The following CYP4F2 variants were observed in gnomAD, a reference collection of about 807,000 sequenced individuals.
CYP4F2 encodes cytochrome P450 4F2.
A neutral mutation model predicts 58.9 loss-of-function variants in CYP4F2; 58 were observed. The observed-to-expected ratio is 0.98, with a 90% CI of 0.80 to 1.23. CYP4F2 has a LOEUF of 1.23. Ranked by LOEUF, CYP4F2 falls within the 50% of genes most tolerant of loss-of-function variation. The probability of loss-of-function intolerance (pLI) is 0.00; values close to 1 mark genes in which losing one functional copy is unlikely to be tolerated. For synonymous variants in CYP4F2, 287 were observed against 261.1 expected (o/e 1.10, Z -0.95); for missense variants, 616 against 685.6 (o/e 0.90, Z 1.13).
At chr19:15,879,037 G>C in intron 12 of CYP4F2, 101 bp from the exon 13 acceptor site, 2 of 1,524,152 alleles carry the variant, frequency 1.3e-6, no homozygotes, top group Non-Finnish European at 1.8e-6. Flanking sequence ...ACCTAGAGCA[G>C]TTTGAGGAAT....
chr19:15,897,315 A>G (rs2089453373), intron 2 of CYP4F2, 99 bp downstream of exon 2: 4 of 1,104,354 alleles, frequency 3.6e-6, no homozygotes, highest in Non-Finnish European at 5.3e-6. Context: ...CTGCCACCCC[A>G]GATCCCAGCC....
In CYP4F2 at chr19:15,889,587, C is replaced by G. The variant is rs1238084986; in HGVS notation, c.754G>C (p.Asp252His). The G allele has an allele frequency of 4.3e-6, 7 of 1,614,056 alleles. No individual in the cohort carries two copies. In the Admixed American group the frequency reaches 1.0e-4, roughly 23 times the overall value. The part of the protein sequence containing the change: ...HIDFLYYLTP[D>H]GQRFRRACRL... The stretch of plus-strand genomic sequence containing the variant: ...CAGGCCCTGCGGAAACGCTGCCCAT[C>G]AGGGGTGAGATAATACAGGAAGTCA... The change falls in exon 7 of 13, where the codon GAT becomes CAT. Residue 252 changes from aspartate to histidine, a missense_variant. Coordinates refer to ENST00000221700, the MANE Select transcript of CYP4F2 (RefSeq NM_001082.5).
chr19:15,887,598 A>G (rs923524463), intron 7 of CYP4F2, among the ~76,000 whole-genome samples: 14 of 152,262 alleles, frequency 9.2e-5, no homozygotes, highest in Middle Eastern at 3.4e-3. Flanking sequence ...AGACACAGAT[A>G]TAGACACAGA....
At chr19:15,888,233 G>A (rs1429760360) in intron 7 of CYP4F2, among the ~76,000 whole-genome samples, 1 of 151,116 alleles carries the variant, frequency 6.6e-6, no homozygotes, top group African/African-American at 2.4e-5. Context: ...TAGAAACACA[G>A]GCACACAAAT....
At chr19:15,888,027 T>TAGACAC (rs1177550814) in intron 7 of CYP4F2, among the ~76,000 whole-genome samples, 28 of 15,626 alleles carry the variant, frequency 1.8e-3, no homozygotes, top group Non-Finnish European at 3.4e-3. Context: ...GACACAGATA[T>TAGACAC]AGATATAGAC....
rs762409901 is a variant in CYP4F2 at position 15,889,583 on chromosome 19, C to A, written c.758G>T (p.Gly253Val). 6.2e-7 allele frequency: 1 copy of A among 1,614,122 alleles called. No individual in the cohort carries two copies. The highest frequency in any genetic ancestry group is 8.5e-7 in the Non-Finnish European group (1 of 1,180,022). The change falls in exon 7 of 13, where the codon GGG becomes GTG. Residue 253 changes from glycine to valine, a missense_variant. Transcript: ENST00000221700. ...GCGGCAGGCCCTGCGGAAACGCTGC[C>A]CATCAGGGGTGAGATAATACAGGAA... ...IDFLYYLTPD[G>V]QRFRRACRLV...
At chr19:15,889,716 G>C (rs773048644) in intron 6 of CYP4F2, 23 bp from the exon 7 acceptor site, 13 of 1,610,154 alleles carry the variant, frequency 8.1e-6, no homozygotes, top group Non-Finnish European at 1.1e-5. Flanking sequence ...GGCAGAAAGG[G>C]AGGCAACAAT....
At position 15,879,836 on chromosome 19, in the gene CYP4F2, G is replaced by C; in HGVS notation, c.1177C>G (p.Pro393Ala). 1 of 1,614,176 alleles carries C rather than the reference G, an allele frequency of 6.2e-7. No homozygotes were observed. ...MCMKESLRLH[P>A]PVPVISRHVT... is the part of the protein sequence containing the mutation. ...TGGCGGGAGATGACCGGGACTGGGG[G>C]ATGCAGCCGCAGGCTCTCCTTCATG... Residue 393 changes from proline to alanine, a missense_variant, in exon 10 of 13, where the codon CCC becomes GCC. Coordinates refer to ENST00000221700, the MANE Select transcript of CYP4F2 (RefSeq NM_001082.5).
chr19:15,886,901 C>G (rs1395940831), intron 7 of CYP4F2, among the ~76,000 whole-genome samples: 2 of 152,192 alleles, frequency 1.3e-5, no homozygotes, highest in Non-Finnish European at 2.9e-5. Flanking sequence ...TGTAGGGCCC[C>G]TCTCTTAGGA....
intron 3 of CYP4F2, among the ~76,000 whole-genome samples, chr19:15,892,885 C>T (rs4646499): frequency 0.18 from 27,508 of 152,114 alleles, 2,559 homozygotes; most frequent in Middle Eastern, 0.31. Context: ...CTGAGCACAG[C>T]TCAGCATTCT....
chr19:15,895,919 C>A (rs912197571), intron 2 of CYP4F2, among the ~76,000 whole-genome samples: 3 of 152,108 alleles, frequency 2.0e-5, no homozygotes, highest in Non-Finnish European at 2.9e-5. Flanking sequence ...TCTAATCTAT[C>A]CATCATATAT....
At chr19:15,886,677 G>A (rs1568471352) in intron 7 of CYP4F2, among the ~76,000 whole-genome samples, 1 of 152,310 alleles carries the variant, frequency 6.6e-6, no homozygotes, top group East Asian at 1.9e-4. Context: ...ACATTCTAGA[G>A]TGATAAATCT....
At chr19:15,886,661 T>C (rs1011835059) in intron 7 of CYP4F2, among the ~76,000 whole-genome samples, 2 of 152,306 alleles carry the variant, frequency 1.3e-5, no homozygotes, top group South Asian at 2.1e-4. Context: ...CTTCAAAGAT[T>C]TGCCCACATT....
chr19:15,886,086 G>A (rs2089377380), intron 8 of CYP4F2, 33 bp from the exon 9 acceptor site: 19 of 1,609,854 alleles, frequency 1.2e-5, no homozygotes, highest in Non-Finnish European at 1.6e-5. Flanking sequence ...TGGGTCTCTG[G>A]GCTGCTTCAG....
At chr19:15,883,245 T>C (rs1469928395) in intron 9 of CYP4F2, among the ~76,000 whole-genome samples, 2 of 152,062 alleles carry the variant, frequency 1.3e-5, no homozygotes, top group Admixed American at 1.3e-4. Context: ...CCAGAATATA[T>C]TATATAAGGA....
At chr19:15,885,049 C>T (rs1345243894) in intron 9 of CYP4F2, among the ~76,000 whole-genome samples, 4 of 151,982 alleles carry the variant, frequency 2.6e-5, no homozygotes, top group Non-Finnish European at 5.9e-5. Flanking sequence ...GTCTCTCCCT[C>T]TCTCTCCCCT....
In CYP4F2 at chr19:15,878,575, T is replaced by C. The variant is rs2089319968; in HGVS notation, c.*196A>G. On this transcript the variant is annotated 3_prime_UTR_variant, in exon 13 of 13. Transcript: ENST00000221700. Reference sequence around the variant, plus strand: ...TATAGCTTGGGGTTGTTTTCATCGTTTGGCTACTGTGAATAGGGCCGCCAT... The same window carrying C: ...TATAGCTTGGGGTTGTTTTCATCGTCTGGCTACTGTGAATAGGGCCGCCAT... 1 of 879,870 alleles carries C rather than the reference T, an allele frequency of 1.1e-6. No homozygotes were observed. Among genetic ancestry groups the C allele is most frequent in the African/African-American group, 1.7e-5 (1 of 60,386 alleles). The allele number at this position is 879,870 out of a possible 1,614,324, so 54.5% of individuals were successfully genotyped here.
In CYP4F2 at chr19:15,889,643, G is replaced by A; in HGVS notation, c.698C>T (p.Ser233Leu). ...CAGGAGGATCTCATGGTGTCTTTTT[G>A]ATACAAGGGCACTGAGCTCCAAGAT... ...AAILELSALVSKRHHEILLHI... is the reference protein window; with the variant it reads ...AAILELSALVLKRHHEILLHI... The change falls in exon 7 of 13, where the codon TCA becomes TTA. Residue 233 changes from serine (S) to leucine (L), a missense_variant. Coordinates refer to ENST00000221700, the MANE Select transcript of CYP4F2 (RefSeq NM_001082.5). 1 of 1,614,146 alleles carries A rather than the reference G, an allele frequency of 6.2e-7. No homozygotes were observed. Among genetic ancestry groups the A allele is most frequent in the East Asian group, 2.2e-5 (1 of 44,868 alleles).
At chr19:15,895,686 A>G in intron 2 of CYP4F2, 36 bp from the exon 3 acceptor site, 1 of 1,577,508 alleles carries the variant, frequency 6.3e-7, no homozygotes, top group Non-Finnish European at 8.6e-7. Context: ...CTTCTGTGAT[A>G]GTTAATTCTA....
Sources: gnomAD v4.1 joint callset for allele counts (sites outside exome capture counted in the v4.1 genomes callset) on GRCh38, gnomAD v4.1.1 for gene constraint, MANE v1.5 for transcripts, NCBI Gene and HGNC (gene_info 2026-07-23, HGNC 2026-07-21) for gene names.